Variants in STAG1 observed in about 807,000 individuals in gnomAD.
The protein encoded by STAG1 is STAG1 cohesin complex component.
STAG1 carries 26 observed loss-of-function variants against 170.9 expected under a neutral mutation model. The observed-to-expected ratio is 0.15, with a 90% CI of 0.11 to 0.21. The LOEUF (loss-of-function observed/expected upper bound fraction) is 0.21, where lower values mean the gene tolerates loss of function less well. Among genes scored for constraint, STAG1 ranks in the 10% least tolerant of loss-of-function variants. The pLI, the probability that STAG1 is intolerant of heterozygous loss-of-function variation, is 1.00. For synonymous variants in STAG1, 514 were observed against 497.7 expected (o/e 1.03, Z -0.44); for missense variants, 964 against 1,509.5 (o/e 0.64, Z 5.99).
chr3:136,633,910 G>A (rs905419143), intron 1 of STAG1, among the ~76,000 whole-genome samples: 2 of 137,924 alleles, frequency 1.5e-5, no homozygotes, highest in Admixed American at 1.6e-4. Context: ...AATCACTTGA[G>A]GTCAAGAGTT....
intron 4 of STAG1, among the ~76,000 whole-genome samples, chr3:136,591,234 A>G (rs1401365817): frequency 9.8e-6 from 1 of 101,846 alleles, no homozygotes; most frequent in East Asian, 3.0e-4. Context: ...AAAAAAAAGA[A>G]GGGAGGGAGG....
chr3:136,497,841 C>T (rs529383439), intron 9 of STAG1, among the ~76,000 whole-genome samples: 20 of 138,890 alleles, frequency 1.4e-4, no homozygotes, highest in Admixed American at 1.1e-3. Flanking sequence ...GGCAACAGAG[C>T]GAGACTCATC....
intron 14 of STAG1, among the ~76,000 whole-genome samples, chr3:136,451,307 TC>T: frequency 6.6e-6 from 1 of 152,210 alleles, no homozygotes; most frequent in Non-Finnish European, 1.5e-5. Context: ...GCTATGAGGC[TC>T]GTACAACTAT....
At position 136,361,569 on chromosome 3, in the gene STAG1, C is replaced by T. The variant is rs540430995; in HGVS notation, c.2787+1797G>A. Among the ~76,000 whole-genome samples the T allele has an allele frequency of 2.6e-5, 4 of 152,202 alleles. No homozygotes were observed. In the South Asian group the frequency reaches 8.3e-4, roughly 32 times the overall value. On this transcript the variant is annotated intron_variant, in intron 26 of 33. Transcript: ENST00000383202. ...GTCAATCATTTTCATTCATGCCAAT[C>T]TGTTGAGCAGTAAGTATCCATTTTA...
chr3:136,597,865 C>T (rs925603633), intron 4 of STAG1, among the ~76,000 whole-genome samples: 2 of 151,582 alleles, frequency 1.3e-5, no homozygotes, highest in Non-Finnish European at 2.9e-5. Flanking sequence ...CCTGGGAATA[C>T]ACCTAAACTT....
chr3:136,529,400 T>A (rs1462964747), intron 6 of STAG1, among the ~76,000 whole-genome samples: 1 of 152,116 alleles, frequency 6.6e-6, no homozygotes, highest in Non-Finnish European at 1.5e-5. Flanking sequence ...TGTCTAGTCA[T>A]ATATAAAGAA....
intron 15 of STAG1, among the ~76,000 whole-genome samples, chr3:136,440,026 C>T (rs970535442): frequency 6.6e-6 from 1 of 152,232 alleles, no homozygotes; most frequent in African/African-American, 2.4e-5. Flanking sequence ...AGACCACCTT[C>T]ATTACTGAAA....
intron 5 of STAG1, among the ~76,000 whole-genome samples, chr3:136,544,363 C>T (rs540091142): frequency 6.6e-6 from 1 of 152,272 alleles, no homozygotes; most frequent in Admixed American, 6.5e-5. Flanking sequence ...ATACATCCCT[C>T]CAACTAGGTA....
At chr3:136,583,758 C>T (rs753029115) in intron 4 of STAG1, among the ~76,000 whole-genome samples, 14 of 152,072 alleles carry the variant, frequency 9.2e-5, no homozygotes, top group Non-Finnish European at 1.6e-4. Context: ...CATGGCACTC[C>T]AGCCTGAGCA....
chr3:136,574,366 G>C (rs960075497), intron 4 of STAG1, among the ~76,000 whole-genome samples: 1 of 149,884 alleles, frequency 6.7e-6, no homozygotes, highest in Non-Finnish European at 1.5e-5. Flanking sequence ...ACACACACAC[G>C]CACATCCTTG....
At chr3:136,695,163 G>GC (rs1202378532) in intron 1 of STAG1, among the ~76,000 whole-genome samples, 2 of 152,074 alleles carry the variant, frequency 1.3e-5, no homozygotes, top group Non-Finnish European at 2.9e-5. Flanking sequence ...CCCAATGAAG[G>GC]CCACTGTAAT....
At chr3:136,403,562 G>T (rs1454380796) in intron 21 of STAG1, among the ~76,000 whole-genome samples, 1 of 152,002 alleles carries the variant, frequency 6.6e-6, no homozygotes, top group Non-Finnish European at 1.5e-5. Context: ...GAAAAGACAA[G>T]ATTTGAATTT....
chr3:136,536,304 C>T (rs557251548), intron 6 of STAG1, among the ~76,000 whole-genome samples: 3 of 152,100 alleles, frequency 2.0e-5, no homozygotes, highest in East Asian at 1.9e-4. Context: ...AGTAAGAAAT[C>T]GATAATAAAA....
At chr3:136,542,069 T>G in intron 6 of STAG1, 50 bp downstream of exon 6, 2 of 1,297,886 alleles carry the variant, frequency 1.5e-6, no homozygotes, top group Non-Finnish European at 2.2e-6. Context: ...AACATATTCA[T>G]CATGTGAAAG....
intron 1 of STAG1, among the ~76,000 whole-genome samples, chr3:136,631,278 A>G (rs1940319359): frequency 6.6e-6 from 1 of 152,254 alleles, no homozygotes; most frequent in Non-Finnish European, 1.5e-5. Context: ...AAGAACCTTA[A>G]ATATTATTAA....
At chr3:136,625,978 G>A (rs553529377) in intron 2 of STAG1, among the ~76,000 whole-genome samples, 61 of 150,502 alleles carry the variant, frequency 4.1e-4, no homozygotes, top group African/African-American at 1.5e-3. Context: ...GCTTGAACCC[G>A]GGAGATGGAC....
At chr3:136,634,756 C>T (rs1227896885) in intron 1 of STAG1, among the ~76,000 whole-genome samples, 1 of 151,290 alleles carries the variant, frequency 6.6e-6, no homozygotes, top group Admixed American at 6.6e-5. Flanking sequence ...AAAAACAATA[C>T]AATCAATAAA....
At chr3:136,528,776 A>C (rs1935211335) in intron 6 of STAG1, among the ~76,000 whole-genome samples, 1 of 151,844 alleles carries the variant, frequency 6.6e-6, no homozygotes, top group Admixed American at 6.6e-5. Context: ...CAAAAATACA[A>C]AATATTAGTC....
intron 4 of STAG1, among the ~76,000 whole-genome samples, chr3:136,574,194 T>C (rs112121761): frequency 0.012 from 1,773 of 152,054 alleles, 25 homozygotes; most frequent in African/African-American, 0.041. Flanking sequence ...TGAGCCGAGA[T>C]GGTGCCGCTG....
Sources: allele counts gnomAD v4.1 joint callset (sites outside exome capture counted in the v4.1 genomes callset), GRCh38; gene constraint gnomAD v4.1.1; transcripts MANE v1.5; gene names NCBI Gene and HGNC (gene_info 2026-07-23, HGNC 2026-07-21).